Variants in ZNF782 observed in about 807,000 individuals in gnomAD.
ZNF782 encodes zinc finger protein 782.
Under a neutral mutation model 13.0 loss-of-function variants are expected in ZNF782, and 12 were observed. That is an observed-to-expected ratio of 0.92 (90% CI 0.59 to 1.50). The LOEUF (loss-of-function observed/expected upper bound fraction) is 1.50. Among genes scored for constraint, ZNF782 ranks in the 40% most tolerant of loss-of-function variants. The probability of loss-of-function intolerance (pLI) is 0.00; values close to 1 mark genes in which losing one functional copy is unlikely to be tolerated. For missense variants in ZNF782, 770 were observed against 822.9 expected (o/e 0.94, Z 0.79); for synonymous variants, 284 against 283.0 (o/e 1.00, Z -0.04).
At chr9:96,879,671 A>G (rs1400583830), upstream of ZNF782, among the ~76,000 whole-genome samples, 1 of 152,220 alleles carries the variant, frequency 6.6e-6, no homozygotes. Flanking sequence ...AGCCTGGCAA[A>G]AAAGACCATC....
chr9:96,829,480 C>G (rs182839137), intron 4 of ZNF782, among the ~76,000 whole-genome samples: 1 of 152,060 alleles, frequency 6.6e-6, no homozygotes, highest in South Asian at 2.1e-4. Flanking sequence ...TAAAGCAAAT[C>G]CTGATGAAAC....
In ZNF782 at chr9:96,819,034, C is replaced by G. The variant is rs770441383; in HGVS notation, c.989G>C (p.Arg330Thr). 5.6e-6 allele frequency: 9 copies of G among 1,614,022 alleles called. No individual in the cohort carries two copies. The African/African-American group carries it at 1.1e-4, about 19-fold the overall frequency. ...AGAGTATTTATCTGTTGCATGAGTT[C>G]TCTGATGCACTGGGAGGGTTGAATT... ...NRNSTLPVHQ[R>T]THATDKYSDY... is the part of the protein sequence containing the mutation. Residue 330 changes from arginine (R) to threonine (T), a missense_variant, in exon 6 of 6, where the codon AGA (arginine) becomes ACA (threonine). Physicochemically the swap from Arg to Thr is moderately conservative, Grantham distance 71. Coordinates refer to ENST00000481138, the MANE Select transcript of ZNF782 (RefSeq NM_001001662.3).
chr9:96,851,989 G>A lies in ZNF782; in HGVS notation c.-28C>T, dbSNP rs1395431385. ...TCTGTGGCTCTTGGGAGAGTATAGA[G>A]AACTGTAAAGCCTCAGCTGGGGGGA... is the stretch of plus-strand genomic sequence containing the variant. On this transcript the variant is annotated 5_prime_UTR_variant, in exon 3 of 6. Coordinates refer to ENST00000481138, the MANE Select transcript of ZNF782 (RefSeq NM_001001662.3). 1 of 1,613,040 alleles carries A rather than the reference G, an allele frequency of 6.2e-7. No homozygotes were observed. The highest frequency in any genetic ancestry group is 8.5e-7 in the Non-Finnish European group (1 of 1,179,082).
At chr9:96,895,037 C>A in the ZNF782 span, 2 of 152,318 alleles carry the variant, frequency 1.3e-5, no homozygotes, top group African/African-American at 4.8e-5. Context: ...GACACACTTT[C>A]TGTTATGACT....
chr9:96,819,011 A>C lies in ZNF782; in HGVS notation c.1012T>G (p.Ser338Ala). Residue 338 changes from serine (S) to alanine (A), a missense_variant, in exon 6 of 6, where the codon TCT (serine) becomes GCT (alanine). By Grantham distance (99) the Ser-to-Ala change is moderately conservative. Transcript: ENST00000481138. Reference protein sequence around the residue: ...HQRTHATDKYSDYHPCTETFS... With the variant: ...HQRTHATDKYADYHPCTETFS... Reference sequence around the variant, plus strand: ...GTCTCTGTACATGGGTGATAATCAGAGTATTTATCTGTTGCATGAGTTCTC... The same window carrying C: ...GTCTCTGTACATGGGTGATAATCAGCGTATTTATCTGTTGCATGAGTTCTC... The C allele has an allele frequency of 6.2e-7, 1 of 1,614,160 alleles. No homozygotes were observed. The highest frequency in any genetic ancestry group is 8.5e-7 in the Non-Finnish European group (1 of 1,180,010).
At chr9:96,920,920 C>A in the ZNF782 span, among the ~76,000 whole-genome samples, 1 of 136,924 alleles carries the variant, frequency 7.3e-6, no homozygotes, top group East Asian at 2.3e-4. Context: ...ATCTCAAAAA[C>A]AAAACATTTT....
chr9:96,926,947 C>T, the ZNF782 span, among the ~76,000 whole-genome samples: 1 of 152,276 alleles, frequency 6.6e-6, no homozygotes, highest in African/African-American at 2.4e-5. Context: ...CAGGGAGTGA[C>T]ATCTGTGTCT....
Position 96,819,159 on chromosome 9 carries a change from G to A in ZNF782, c.864C>T (p.Leu288=), listed in dbSNP as rs776568012. 7 of 1,613,342 alleles carry A rather than the reference G, an allele frequency of 4.3e-6. No homozygotes were observed. The Admixed American group carries it at 1.0e-4, about 23-fold the overall frequency. The part of the protein sequence containing the change: ...NCFCRITHKT[L]TGGKSFSQKS... ...TTTGGCTGAAGGATTTCCCTCCTGT[G>A]AGAGTTTTGTGAGTGATTCTACAGA... The change falls in exon 6 of 6, where the codon CTC becomes CTT. Residue 288 remains leucine (L), a synonymous_variant. Transcript: ENST00000481138.
chr9:96,827,034 C>G, intron 5 of ZNF782, 46 bp downstream of exon 5: 1 of 1,287,308 alleles, frequency 7.8e-7, no homozygotes, highest in Non-Finnish European at 1.1e-6. Context: ...TGTGAGTACT[C>G]CTAGTGAATC....
intron 1 of ZNF782, among the ~76,000 whole-genome samples, chr9:96,870,210 C>T (rs1851807654): frequency 6.6e-6 from 1 of 152,166 alleles, no homozygotes; most frequent in Non-Finnish European, 1.5e-5. Flanking sequence ...GGTTGGAATC[C>T]TTTTTGAAAT....
At chr9:96,892,279 T>C in the ZNF782 span, 1 of 152,194 alleles carries the variant, frequency 6.6e-6, no homozygotes, top group African/African-American at 2.4e-5. Context: ...ACAACCGAAA[T>C]GTGCATCAAC....
At chr9:96,882,957 A>G in the ZNF782 span, among the ~76,000 whole-genome samples, 1 of 152,160 alleles carries the variant, frequency 6.6e-6, no homozygotes, top group Non-Finnish European at 1.5e-5. Flanking sequence ...TAGTGATGTT[A>G]CCTTGTTCAT....
chr9:96,882,438 CT>C, the ZNF782 span, among the ~76,000 whole-genome samples: 1 of 152,130 alleles, frequency 6.6e-6, no homozygotes, highest in East Asian at 1.9e-4. Flanking sequence ...TTAGGCATTT[CT>C]TTTTTAAAAT....
the ZNF782 span, among the ~76,000 whole-genome samples, chr9:96,882,534 AATTT>A: frequency 6.6e-6 from 1 of 152,148 alleles, no homozygotes; most frequent in African/African-American, 2.4e-5. Flanking sequence ...AGATTATATT[AATTT>A]ATTATAAATG....
At chr9:96,874,160 GA>G (rs1183443289) in intron 1 of ZNF782, among the ~76,000 whole-genome samples, 1 of 152,182 alleles carries the variant, frequency 6.6e-6, no homozygotes, top group Non-Finnish European at 1.5e-5. Flanking sequence ...AAACATGGAT[GA>G]CCTGGACCTG....
intron 3 of ZNF782, among the ~76,000 whole-genome samples, chr9:96,848,510 C>A (rs1306269322): frequency 1.3e-5 from 2 of 152,104 alleles, no homozygotes; most frequent in Non-Finnish European, 2.9e-5. Flanking sequence ...CAATGCTATA[C>A]CAACAACAAC....
the ZNF782 span, among the ~76,000 whole-genome samples, chr9:96,896,360 A>C: frequency 8.6e-3 from 1,311 of 152,294 alleles, 26 homozygotes; most frequent in African/African-American, 0.03. Context: ...TTTCCCTTCT[A>C]TATCAATCGC....
chr9:96,886,443 T>C, the ZNF782 span, among the ~76,000 whole-genome samples: 2 of 152,256 alleles, frequency 1.3e-5, no homozygotes, highest in South Asian at 4.1e-4. Context: ...TCAATGTATA[T>C]GGAGGAAATG....
the ZNF782 span, among the ~76,000 whole-genome samples, chr9:96,923,040 A>G: frequency 8.8e-5 from 13 of 147,252 alleles, no homozygotes; most frequent in Non-Finnish European, 1.5e-4. Context: ...ACTCTCCTGT[A>G]TAAACACAGA....
Sources: allele counts gnomAD v4.1 joint callset (sites outside exome capture counted in the v4.1 genomes callset), GRCh38; gene constraint gnomAD v4.1.1; transcripts MANE v1.5; gene names NCBI Gene and HGNC (gene_info 2026-07-23, HGNC 2026-07-21).